The following TPST2 variants were observed in gnomAD, a reference collection of about 807,000 sequenced individuals.
TPST2 encodes protein-tyrosine sulfotransferase 2.
TPST2 carries 16 observed loss-of-function variants against 27.8 expected under a neutral mutation model. That is an observed-to-expected ratio of 0.58 (90% CI 0.39 to 0.88). The LOEUF (loss-of-function observed/expected upper bound fraction) is 0.88, where lower values mean the gene tolerates loss of function less well. Among genes scored for constraint, TPST2 ranks in the 40% least tolerant of loss-of-function variants. The pLI, the probability that TPST2 is intolerant of heterozygous loss-of-function variation, is 0.00. For missense variants in TPST2, 464 were observed against 543.1 expected (o/e 0.85, Z 1.45); for synonymous variants, 229 against 231.7 (o/e 0.99, Z 0.10).
In TPST2 at chr22:26,550,646, C is replaced by T. The variant is rs1324311070; in HGVS notation, c.-160-5971G>A. The T allele has an allele frequency of 5.1e-6, 5 of 985,718 alleles. No homozygotes were observed. The African/African-American group carries it at 7.0e-5, about 14-fold the overall frequency. 61.1% of individuals were successfully genotyped at this position (985,718 alleles called of 1,614,324 possible). On this transcript the variant is annotated intron_variant, in intron 1 of 6. Transcript: ENST00000338754. ...CACGTGCTCAGGCTCAGCCATCAGCCCTGCAATTCCTCCCCATGGGAACCA... is the reference window on the plus strand; with the variant it reads ...CACGTGCTCAGGCTCAGCCATCAGCTCTGCAATTCCTCCCCATGGGAACCA...
chr22:26,549,398 C>T (rs1385628132), intron 1 of TPST2, among the ~76,000 whole-genome samples: 1 of 152,184 alleles, frequency 6.6e-6, no homozygotes, highest in African/African-American at 2.4e-5. Flanking sequence ...GGGGCTCACG[C>T]CTGTAATCCC....
chr22:26,559,930 C>T (rs9613208), intron 1 of TPST2, among the ~76,000 whole-genome samples: 66,170 of 151,950 alleles, frequency 0.44, 14,544 homozygotes, highest in East Asian at 0.52. Context: ...GAAATCCACA[C>T]GGTGTGACAG....
At chr22:26,559,516 A>T (rs1367893628) in intron 1 of TPST2, among the ~76,000 whole-genome samples, 2 of 152,200 alleles carry the variant, frequency 1.3e-5, no homozygotes, top group African/African-American at 4.8e-5. Flanking sequence ...TTCATCACCC[A>T]AAGAGAAACC....
intron 1 of TPST2, among the ~76,000 whole-genome samples, chr22:26,585,763 A>C (rs1459931143): frequency 6.6e-6 from 1 of 152,094 alleles, no homozygotes; most frequent in Non-Finnish European, 1.5e-5. Flanking sequence ...TCAATAATAC[A>C]TTTCAGGCCA....
chr22:26,568,852 T>A (rs2147228264), intron 1 of TPST2, among the ~76,000 whole-genome samples: 1 of 149,856 alleles, frequency 6.7e-6, no homozygotes, highest in East Asian at 2.0e-4. Context: ...CTTTATGAAC[T>A]CACCCTGAAT....
intron 1 of TPST2, chr22:26,560,713 T>C (rs1927041578): frequency 3.7e-6 from 4 of 1,083,446 alleles, no homozygotes; most frequent in Non-Finnish European, 4.3e-6. Context: ...TTTGAAGATA[T>C]GGCAAAGGCG....
intron 1 of TPST2, among the ~76,000 whole-genome samples, chr22:26,563,946 G>C (rs773257468): frequency 6.6e-5 from 10 of 152,184 alleles, no homozygotes; most frequent in Non-Finnish European, 7.3e-5. Context: ...CTACCTGTAG[G>C]GGGTCGGCGG....
chr22:26,569,991 AAAAG>A (rs770577530), intron 1 of TPST2, among the ~76,000 whole-genome samples: 291 of 19,856 alleles, frequency 0.015, 10 homozygotes, highest in Admixed American at 0.02. Flanking sequence ...AAAAGAAAGA[AAAAG>A]AAAGAAAGAA....
chr22:26,569,817 C>T (rs1041260673), intron 1 of TPST2, among the ~76,000 whole-genome samples: 3 of 150,718 alleles, frequency 2.0e-5, no homozygotes, highest in African/African-American at 7.3e-5. Flanking sequence ...CGGGCGTGGT[C>T]GCAGGCACCT....
intron 3 of TPST2, among the ~76,000 whole-genome samples, chr22:26,538,817 C>G (rs556940340): frequency 2.0e-5 from 3 of 152,188 alleles, no homozygotes; most frequent in African/African-American, 7.2e-5. Flanking sequence ...AGCGAGACTC[C>G]GTCTCAACAA....
rs1925852883 is a variant in TPST2 at position 26,541,705 on chromosome 22, C to T, written c.-75G>A. On this transcript the variant is annotated 5_prime_UTR_variant, in exon 3 of 7. Transcript: ENST00000338754. The surrounding 1 kb of genome is among the most constrained non-coding windows in gnomAD (Gnocchi z 5.9). ...TTCAGCGACAGGTTAGCGGGCAGCC[C>T]GCCAGGCTCACATCTGGGGAGAGAG... 7.5e-6 allele frequency: 11 copies of T among 1,472,590 alleles called. No individual in the cohort carries two copies. Among genetic ancestry groups the T allele is most frequent in the Admixed American group, 2.4e-5 (1 of 41,258 alleles). 91.2% of individuals were successfully genotyped at this position (1,472,590 alleles called of 1,614,324 possible). A position where few individuals can be genotyped will look rare whatever the true frequency, so the allele number is the denominator to read the frequency against.
chr22:26,568,305 G>A (rs1368105167), intron 1 of TPST2, among the ~76,000 whole-genome samples: 1 of 152,092 alleles, frequency 6.6e-6, no homozygotes, highest in Non-Finnish European at 1.5e-5. Flanking sequence ...AGACCATAAC[G>A]CGTGGTTCTG....
chr22:26,522,544 A>T lies in TPST2; in HGVS notation c.*3731T>A, dbSNP rs1300341090. On this transcript the variant is annotated 3_prime_UTR_variant, in exon 7 of 7. Transcript: ENST00000338754. ...GGTACATGGGTGGAATTAATCAAAA[A>T]AGTTAGTATGTATGCCTTTCACCCC... 1.3e-5 allele frequency: 2 copies of T among 152,136 alleles called. No individual in the cohort carries two copies. The highest frequency in any genetic ancestry group is 2.9e-5 in the Non-Finnish European group (2 of 68,030). The allele number at this position is 152,136 out of a possible 1,614,324, so 9.4% of individuals were successfully genotyped here.
intron 1 of TPST2, among the ~76,000 whole-genome samples, chr22:26,562,546 CT>C (rs753059156): frequency 2.6e-4 from 39 of 152,102 alleles, no homozygotes; most frequent in Non-Finnish European, 4.7e-4. Context: ...ATCCTATGTT[CT>C]TCCCCCTTTT....
chr22:26,551,999 C>T (rs904936276), intron 1 of TPST2, among the ~76,000 whole-genome samples: 1 of 150,574 alleles, frequency 6.6e-6, no homozygotes, highest in African/African-American at 2.4e-5. Flanking sequence ...AGCACATTCT[C>T]CCATCTCAGC....
intron 1 of TPST2, among the ~76,000 whole-genome samples, chr22:26,587,186 C>A (rs1054749573): frequency 1.3e-5 from 2 of 152,160 alleles, no homozygotes; most frequent in Admixed American, 1.3e-4. Context: ...GAGGGTCTCC[C>A]TGGCCTCCAC....
intron 1 of TPST2, among the ~76,000 whole-genome samples, chr22:26,577,082 C>T (rs1228274023): frequency 2.3e-5 from 3 of 131,546 alleles, no homozygotes; most frequent in East Asian, 2.1e-4. Context: ...GGCGACAGAA[C>T]GAGACTCTGT....
chr22:26,555,743 C>T (rs188190545), intron 1 of TPST2, among the ~76,000 whole-genome samples: 2 of 152,342 alleles, frequency 1.3e-5, no homozygotes, highest in East Asian at 3.9e-4. Flanking sequence ...AGTGTCACGT[C>T]CTGCCCAGAA....
intron 4 of TPST2, among the ~76,000 whole-genome samples, chr22:26,533,903 T>C (rs1404206327): frequency 6.6e-6 from 1 of 152,168 alleles, no homozygotes; most frequent in Non-Finnish European, 1.5e-5. Context: ...CTCAAACTCC[T>C]AGGCTAAGCA....
Sources: gnomAD v4.1 joint callset for allele counts (sites outside exome capture counted in the v4.1 genomes callset) on GRCh38, gnomAD v4.1.1 for gene constraint, Gnocchi (gnomAD v3.1) non-coding constraint, MANE v1.5 for transcripts, NCBI Gene and HGNC (gene_info 2026-07-23, HGNC 2026-07-21) for gene names.